POLE2: variants seen among roughly 807,000 people sequenced by gnomAD.
POLE2 encodes DNA polymerase epsilon subunit 2.
In POLE2, 56 loss-of-function variants were observed where a neutral mutation model predicts 79.4. The ratio of observed to expected loss-of-function variants is 0.71; its 90% CI spans 0.57 to 0.88. The LOEUF (loss-of-function observed/expected upper bound fraction) is 0.88, where lower values mean the gene tolerates loss of function less well. Among genes scored for constraint, POLE2 ranks in the 40% least tolerant of loss-of-function variants. POLE2 has a pLI of 0.00. For missense variants in POLE2, 598 were observed against 638.9 expected (o/e 0.94, Z 0.69); for synonymous variants, 212 against 214.0 (o/e 0.99, Z 0.08).
At chr14:49,665,205 T>C in intron 7 of POLE2, 42 bp from the exon 8 acceptor site, 1 of 815,674 alleles carries the variant, frequency 1.2e-6, no homozygotes, top group Non-Finnish European at 2.1e-6. Context: ...TATGTAACAA[T>C]GAAAACCGTT....
intron 17 of POLE2, among the ~76,000 whole-genome samples, chr14:49,648,847 G>A (rs1393333939): frequency 2.0e-5 from 3 of 152,188 alleles, no homozygotes; most frequent in African/African-American, 7.2e-5. Flanking sequence ...CCCTTTCTAT[G>A]TTGCCCATGC....
Position 49,655,055 on chromosome 14 carries a change from C to T in POLE2, c.968G>A (p.Gly323Asp). 6.3e-7 allele frequency: 1 copy of T among 1,576,504 alleles called. No homozygotes were observed. ...TCCATATGGTGCAGATGAAAAATTA[C>T]CACACAGAATAAAGCAGGTTGGAGG... ...PAPPTCFILC[G>D]NFSSAPYGKN... The change falls in exon 12 of 19, where the codon GGT (glycine) becomes GAT (aspartate). Residue 323 changes from glycine (G) to aspartate (D), a missense_variant. Coordinates refer to ENST00000216367, the MANE Select transcript of POLE2 (RefSeq NM_002692.4).
chr14:49,650,232 A>G, intron 17 of POLE2, 33 bp downstream of exon 17: 1 of 1,184,236 alleles, frequency 8.4e-7, no homozygotes, highest in Non-Finnish European at 1.2e-6. Flanking sequence ...ATCTTGATAA[A>G]TAATGACTAT....
chr14:49,644,237 G>A (rs1046133139), intron 18 of POLE2, among the ~76,000 whole-genome samples: 6 of 150,770 alleles, frequency 4.0e-5, no homozygotes, highest in Middle Eastern at 3.2e-3. Flanking sequence ...GTAGCCGGGC[G>A]CGGTGGCTCA....
intron 3 of POLE2, among the ~76,000 whole-genome samples, chr14:49,676,303 T>A (rs1886271254): frequency 2.0e-5 from 3 of 152,306 alleles, no homozygotes; most frequent in Admixed American, 6.5e-5. Flanking sequence ...TACATGTTTA[T>A]CTCCCAAATT....
chr14:49,682,826 TA>T (rs879436506), intron 2 of POLE2, among the ~76,000 whole-genome samples: 7,028 of 145,934 alleles, frequency 0.048, 542 homozygotes, highest in African/African-American at 0.16. Context: ...GCCATTCTAT[TA>T]AAAAAAAAAA....
chr14:49,674,094 T>G, intron 5 of POLE2, 29 bp downstream of exon 5: 1 of 1,207,142 alleles, frequency 8.3e-7, no homozygotes, highest in Non-Finnish European at 1.2e-6. Flanking sequence ...TTACCCAGTA[T>G]CCTCCCCTCC....
At chr14:49,650,484 A>C in intron 16 of POLE2, 43 bp from the exon 17 acceptor site, 1 of 1,291,006 alleles carries the variant, frequency 7.7e-7, no homozygotes. Context: ...GTTCATTTGC[A>C]AAAGTGAAAA....
chr14:49,683,768 A>G, intron 1 of POLE2, 75 bp from the exon 2 acceptor site: 1 of 686,520 alleles, frequency 1.5e-6, no homozygotes, highest in Non-Finnish European at 2.6e-6. Flanking sequence ...AAAAGCAGCA[A>G]ATACTCATCA....
At chr14:49,657,220 A>C (rs1214712415) in intron 10 of POLE2, among the ~76,000 whole-genome samples, 4 of 152,140 alleles carry the variant, frequency 2.6e-5, no homozygotes, top group Non-Finnish European at 4.4e-5. Flanking sequence ...ATATTTCCTG[A>C]ATGTCACGAA....
chr14:49,645,683 C>T (rs1883709190), intron 18 of POLE2, among the ~76,000 whole-genome samples: 1 of 152,114 alleles, frequency 6.6e-6, no homozygotes, highest in African/African-American at 2.4e-5. Context: ...CAGTGTGGAC[C>T]AATCACAGTT....
chr14:49,667,552 CTT>C (rs34430638), intron 6 of POLE2, among the ~76,000 whole-genome samples: 9 of 141,354 alleles, frequency 6.4e-5, no homozygotes, highest in Non-Finnish European at 6.2e-5. Flanking sequence ...CAGATAGAAA[CTT>C]TTTTTTTTTT....
rs45606747 is a variant in POLE2, at chr14:49,663,663, A to G, written c.683-276T>C. Among the ~76,000 whole-genome samples, 1,103 of 152,298 alleles carry G rather than the reference A, an allele frequency of 7.2e-3. 12 individuals are homozygous for G. The highest frequency in any genetic ancestry group is 0.025 in the African/African-American group (1,039 of 41,556). ...AGGAAATGTTTCATTTTATGGCCCT[A>G]TATAAAATTAAGTGTTTTTTTCAAC... On this transcript the variant is annotated intron_variant, in intron 9 of 18. Coordinates refer to ENST00000216367, the MANE Select transcript of POLE2 (RefSeq NM_002692.4).
chr14:49,677,453 G>A (rs185856102), intron 3 of POLE2: 5 of 465,322 alleles, frequency 1.1e-5, no homozygotes, highest in East Asian at 4.0e-5. Flanking sequence ...GCTTGGAGAC[G>A]AGGGGCAGCC....
chr14:49,669,131 C>T (rs569517597), intron 6 of POLE2, among the ~76,000 whole-genome samples: 1 of 152,092 alleles, frequency 6.6e-6, no homozygotes, highest in Admixed American at 6.6e-5. Context: ...GTGGTGGTCA[C>T]TGAGGGATGA....
chr14:49,650,227 G>A (rs1242957962), intron 17 of POLE2, 38 bp downstream of exon 17: 5 of 1,118,870 alleles, frequency 4.5e-6, no homozygotes, highest in Non-Finnish European at 6.2e-6. Context: ...CTCTAATCTT[G>A]ATAAATAATG....
At chr14:49,685,404 G>A (rs1887055562) in intron 1 of POLE2, among the ~76,000 whole-genome samples, 1 of 152,092 alleles carries the variant, frequency 6.6e-6, no homozygotes, top group African/African-American at 2.4e-5. Flanking sequence ...TTTGACCACT[G>A]AGTCCCTAAA....
At chr14:49,648,840 T>A (rs1428793709) in intron 17 of POLE2, among the ~76,000 whole-genome samples, 1 of 152,210 alleles carries the variant, frequency 6.6e-6, no homozygotes, top group Non-Finnish European at 1.5e-5. Flanking sequence ...AGACAGGCCC[T>A]TTCTATGTTG....
At chr14:49,676,243 T>C (rs1009617661) in intron 3 of POLE2, among the ~76,000 whole-genome samples, 16 of 152,204 alleles carry the variant, frequency 1.1e-4, no homozygotes, top group African/African-American at 3.1e-4. Flanking sequence ...GTTAAAAATT[T>C]CCACAGCACT....
Sources: allele counts gnomAD v4.1 joint callset (sites outside exome capture counted in the v4.1 genomes callset), GRCh38; gene constraint gnomAD v4.1.1; transcripts MANE v1.5; gene names NCBI Gene and HGNC (gene_info 2026-07-23, HGNC 2026-07-21).